Variants in RYR3 observed in about 807,000 individuals in gnomAD.
RYR3 encodes the protein brain ryanodine receptor-calcium release channel.
In RYR3, 207 loss-of-function variants were observed where a neutral mutation model predicts 584.3. The ratio of observed to expected loss-of-function variants is 0.35; its 90% CI spans 0.32 to 0.40. The LOEUF is 0.40. Ranked by LOEUF, RYR3 falls within the 10% of genes least tolerant of loss-of-function variation. The pLI, the probability that RYR3 is intolerant of heterozygous loss-of-function variation, is 1.00. For synonymous variants in RYR3, 2,416 were observed against 2,248.5 expected, an observed-to-expected ratio of 1.07 and a Z score of -2.11; for missense variants, 5,616 against 6,089.2, an observed-to-expected ratio of 0.92 and a Z score of 2.59.
At chr15:33,418,079 T>C (rs1025919586) in intron 1 of RYR3, among the ~76,000 whole-genome samples, 1 of 152,172 alleles carries the variant, frequency 6.6e-6, no homozygotes, top group Non-Finnish European at 1.5e-5. Flanking sequence ...TGCTAGTATT[T>C]TGTTAATGAT....
chr15:33,650,099 C>T (rs1218442593), intron 31 of RYR3, among the ~76,000 whole-genome samples: 1 of 152,170 alleles, frequency 6.6e-6, no homozygotes, highest in Non-Finnish European at 1.5e-5. Flanking sequence ...CTGGCTTAGG[C>T]TGGGCACGGT....
chr15:33,622,233 C>A (rs1345713065), intron 19 of RYR3, among the ~76,000 whole-genome samples: 2 of 152,204 alleles, frequency 1.3e-5, no homozygotes, highest in Non-Finnish European at 2.9e-5. Flanking sequence ...TAGACCCTGC[C>A]TGATACAGCC....
At chr15:33,844,507 C>G (rs1347526458) in intron 92 of RYR3, among the ~76,000 whole-genome samples, 1 of 152,228 alleles carries the variant, frequency 6.6e-6, no homozygotes, top group Non-Finnish European at 1.5e-5. Flanking sequence ...CGGGCACACA[C>G]ATCCTTCACG....
intron 1 of RYR3, among the ~76,000 whole-genome samples, chr15:33,351,737 T>C (rs1973292778): frequency 6.6e-6 from 1 of 151,234 alleles, no homozygotes; most frequent in East Asian, 1.9e-4. Context: ...TCTCAATAAA[T>C]TAGGTATTGA....
intron 3 of RYR3, among the ~76,000 whole-genome samples, chr15:33,527,818 G>A (rs1003241715): frequency 1.3e-5 from 2 of 152,174 alleles, no homozygotes; most frequent in African/African-American, 4.8e-5. Context: ...ACTGAAAGGA[G>A]GAAGGGCAGA....
chr15:33,429,404 C>T (rs892082496), intron 1 of RYR3, among the ~76,000 whole-genome samples: 12 of 152,236 alleles, frequency 7.9e-5, no homozygotes, highest in Non-Finnish European at 1.8e-4. Flanking sequence ...AAAAGTCAGC[C>T]TCTTCTGAGA....
intron 25 of RYR3, 62 bp downstream of exon 25, chr15:33,634,795 A>G (rs16957026): frequency 3.9e-5 from 55 of 1,423,908 alleles, no homozygotes; most frequent in Non-Finnish European, 5.0e-5. Flanking sequence ...TTCTTGGGGC[A>G]TCCTAACTTC....
intron 24 of RYR3, among the ~76,000 whole-genome samples, chr15:33,633,725 C>T (rs749002781): frequency 2.0e-5 from 3 of 152,146 alleles, no homozygotes; most frequent in Non-Finnish European, 4.4e-5. Context: ...GCATGTTATA[C>T]ATATGAGTTT....
chr15:33,497,125 C>T (rs142351111), intron 2 of RYR3, among the ~76,000 whole-genome samples: 201 of 152,272 alleles, frequency 1.3e-3, no homozygotes, highest in Non-Finnish European at 2.4e-3. Flanking sequence ...GTGGAGAATA[C>T]GCGTTAATTC....
intron 94 of RYR3, chr15:33,852,623 T>C (rs574082766): frequency 6.1e-6 from 1 of 164,566 alleles, no homozygotes; most frequent in African/African-American, 2.4e-5. Flanking sequence ...ACACCCCACA[T>C]CCCGCATCGC....
At chr15:33,540,925 G>A (rs2055765000) in intron 7 of RYR3, 35 bp downstream of exon 7, 3 of 1,349,714 alleles carry the variant, frequency 2.2e-6, no homozygotes, top group South Asian at 2.3e-5. Context: ...CCCTGAGCCT[G>A]CCTATCTCTC....
intron 68 of RYR3, among the ~76,000 whole-genome samples, chr15:33,801,160 A>T (rs1315908991): frequency 1.3e-5 from 2 of 152,216 alleles, no homozygotes; most frequent in African/African-American, 4.8e-5. Flanking sequence ...AGGGGTAGGT[A>T]GTGGGCGTCC....
intron 52 of RYR3, among the ~76,000 whole-genome samples, chr15:33,745,729 C>A (rs2070629977): frequency 6.6e-6 from 1 of 152,196 alleles, no homozygotes; most frequent in Non-Finnish European, 1.5e-5. Context: ...GCCTTCCAGT[C>A]CTAGCCTCTG....
chr15:33,673,240 T>C (rs2063955307), intron 38 of RYR3, among the ~76,000 whole-genome samples: 1 of 152,244 alleles, frequency 6.6e-6, no homozygotes, highest in South Asian at 2.1e-4. Context: ...AGGATCTGAA[T>C]CATTTTCAGA....
At chr15:33,585,033 G>C (rs2152522388) in intron 15 of RYR3, among the ~76,000 whole-genome samples, 1 of 152,108 alleles carries the variant, frequency 6.6e-6, no homozygotes, top group East Asian at 1.9e-4. Context: ...GTCATCATTG[G>C]GAAGTGACCA....
intron 1 of RYR3, among the ~76,000 whole-genome samples, chr15:33,423,819 G>A (rs117894215): frequency 0.016 from 2,419 of 152,042 alleles, 34 homozygotes; most frequent in Non-Finnish European, 0.019. Flanking sequence ...TCCTATTTTT[G>A]CCATAGAAAA....
chr15:33,744,687 C>T (rs755089799), intron 52 of RYR3, among the ~76,000 whole-genome samples: 18 of 152,266 alleles, frequency 1.2e-4, no homozygotes, highest in Admixed American at 5.2e-4. Context: ...AGCGCGCTGC[C>T]GGCCTTGGGA....
chr15:33,683,632 T>C (rs1566945309), intron 38 of RYR3, among the ~76,000 whole-genome samples: 2 of 152,160 alleles, frequency 1.3e-5, no homozygotes, highest in African/African-American at 4.8e-5. Flanking sequence ...CTGGGACTGG[T>C]TGAACAGTGC....
chr15:33,603,721 C>A (rs1054534295), intron 18 of RYR3, among the ~76,000 whole-genome samples: 3 of 152,156 alleles, frequency 2.0e-5, no homozygotes, highest in Admixed American at 2.0e-4. Context: ...ACAGGGAGCC[C>A]TTAAGGTAGA....
Sources: gnomAD v4.1 joint callset for allele counts (sites outside exome capture counted in the v4.1 genomes callset) on GRCh38, gnomAD v4.1.1 for gene constraint, MANE v1.5 for transcripts, NCBI Gene and HGNC (gene_info 2026-07-23, HGNC 2026-07-21) for gene names.